LHX6: variants seen among roughly 807,000 people sequenced by gnomAD.
LHX6 encodes the protein LIM/homeobox protein Lhx6.
In LHX6, 15 loss-of-function variants were observed where a neutral mutation model predicts 47.1. The ratio of observed to expected loss-of-function variants is 0.32; its 90% CI spans 0.21 to 0.49. The LOEUF (loss-of-function observed/expected upper bound fraction) is 0.49. LHX6 is among the 20% of genes least tolerant of loss of function. The pLI is 0.99. For missense variants in LHX6, 404 were observed against 539.6 expected (o/e 0.75, Z 2.49); for synonymous variants, 242 against 233.5 (o/e 1.04, Z -0.33).
At chr9:122,215,750 C>T (rs1351621059) in intron 5 of LHX6, among the ~76,000 whole-genome samples, 2 of 152,172 alleles carry the variant, frequency 1.3e-5, no homozygotes, top group Non-Finnish European at 2.9e-5. Context: ...TAGTCCTGAT[C>T]CTGGCAGGAG....
At chr9:122,206,131 G>A (rs1368901762) in intron 9 of LHX6, among the ~76,000 whole-genome samples, 1 of 152,204 alleles carries the variant, frequency 6.6e-6, no homozygotes, top group Non-Finnish European at 1.5e-5. Flanking sequence ...GGATTTGTGG[G>A]ATCAGGGGAC....
At chr9:122,216,379 TG>T (rs1830594030) in intron 5 of LHX6, among the ~76,000 whole-genome samples, 1 of 152,158 alleles carries the variant, frequency 6.6e-6, no homozygotes, top group Non-Finnish European at 1.5e-5. Flanking sequence ...CTGGGCAATC[TG>T]GGGAATCACA....
At position 122,227,496 on chromosome 9, in the gene LHX6, AG is replaced by A; in HGVS notation, c.85-17del. 4.7e-6 allele frequency: 3 copies of A among 633,656 alleles called. No individual in the cohort carries two copies. The highest frequency in any genetic ancestry group is 1.5e-5 in the South Asian group (1 of 65,054). 39.3% of individuals were successfully genotyped at this position (633,656 alleles called of 1,614,324 possible). A position where few individuals can be genotyped will look rare whatever the true frequency, so the allele number is the denominator to read the frequency against. ...GGGCCATCACCTGGGGGAGGGGGGG[AG>A]GGAACGCAGGCGGCGGCGGCTGCTG... is the stretch of plus-strand genomic sequence containing the variant. On this transcript the variant is annotated splice_polypyrimidine_tract_variant and intron_variant, in intron 1 of 9. Transcript: ENST00000394319.
At chr9:122,223,272 C>T (rs1190848962) in intron 4 of LHX6, among the ~76,000 whole-genome samples, 1 of 152,188 alleles carries the variant, frequency 6.6e-6, no homozygotes, top group Non-Finnish European at 1.5e-5. Context: ...GCTTTTACTG[C>T]CTCCATTTTC....
intron 8 of LHX6, among the ~76,000 whole-genome samples, chr9:122,212,459 T>C (rs184433628): frequency 1.1e-3 from 170 of 152,348 alleles, no homozygotes; most frequent in African/African-American, 3.8e-3. Flanking sequence ...TTCCCTTCTT[T>C]TTCCCTCTTA....
chr9:122,205,259 C>T (rs1409756678), intron 9 of LHX6, among the ~76,000 whole-genome samples: 3 of 152,262 alleles, frequency 2.0e-5, no homozygotes, highest in African/African-American at 7.2e-5. Flanking sequence ...TACCAAAGCA[C>T]ATTGCCTCTA....
chr9:122,214,482 G>A lies in LHX6; in HGVS notation c.683-99C>T. ...GGGAGCTTGTCCCTGGAAGGGTCAG[G>A]AGCGGGAGTTGGCTGGGAGCAGGGA... On this transcript the variant is annotated intron_variant, in intron 5 of 9. Transcript: ENST00000394319. The surrounding 1 kb of genome is among the most constrained non-coding windows in gnomAD (Gnocchi z 4.6). The A allele has an allele frequency of 7.2e-7, 1 of 1,398,538 alleles. No individual in the cohort carries two copies. Among genetic ancestry groups the A allele is most frequent in the Non-Finnish European group, 9.2e-7 (1 of 1,081,468 alleles). The allele number at this position is 1,398,538 out of a possible 1,614,324, so 86.6% of individuals were successfully genotyped here. A position where few individuals can be genotyped will look rare whatever the true frequency, so the allele number is the denominator to read the frequency against.
chr9:122,209,899 G>A (rs914374049), intron 8 of LHX6, among the ~76,000 whole-genome samples, 182 bp from the exon 9 acceptor site: 34 of 150,926 alleles, frequency 2.3e-4, no homozygotes, highest in Non-Finnish European at 4.6e-4. Flanking sequence ...TTTTTGAGAC[G>A]GAGTCTCACC....
chr9:122,217,057 A>G lies in LHX6; in HGVS notation c.682+11T>C. 6.2e-7 allele frequency: 1 copy of G among 1,610,860 alleles called. No individual in the cohort carries two copies. Among genetic ancestry groups the G allele is most frequent in the Non-Finnish European group, 8.5e-7 (1 of 1,177,450 alleles). Reference sequence around the variant, plus strand: ...TGGGGGCAGAGGTGCCAGGCGGAGCAGGTTGGGTACCGTTCTCGGCGGCCC... The same window carrying G: ...TGGGGGCAGAGGTGCCAGGCGGAGCGGGTTGGGTACCGTTCTCGGCGGCCC... On this transcript the variant is annotated intron_variant, in intron 5 of 9. Transcript: ENST00000394319. The surrounding 1 kb of genome is among the most constrained non-coding windows in gnomAD (Gnocchi z 4.9).
chr9:122,228,907 G>A lies in LHX6; in HGVS notation c.-167C>T. 1 of 272,350 alleles carries A rather than the reference G, an allele frequency of 3.7e-6. No homozygotes were observed. The highest frequency in any genetic ancestry group is 6.2e-6 in the Non-Finnish European group (1 of 160,412). 16.9% of individuals were successfully genotyped at this position (272,350 alleles called of 1,614,324 possible). A position where few individuals can be genotyped will look rare whatever the true frequency, so the allele number is the denominator to read the frequency against. The stretch of plus-strand genomic sequence containing the variant: ...AGCCCCCGCCCCCGGCCCGCGCGCA[G>A]CCCCGGCCTCCCTGGCTGCTGCCGC... On this transcript the variant is annotated 5_prime_UTR_variant, in exon 1 of 10. Transcript: ENST00000394319.
chr9:122,215,001 A>T (rs1332194930), intron 5 of LHX6, among the ~76,000 whole-genome samples: 1 of 152,208 alleles, frequency 6.6e-6, no homozygotes, highest in Non-Finnish European at 1.5e-5. Flanking sequence ...TAACCGGCGT[A>T]TATGTTAGAT....
chr9:122,214,362 C>T lies in LHX6; in HGVS notation c.704G>A (p.Gly235Glu), dbSNP rs748176324. The T allele has an allele frequency of 6.3e-7, 1 of 1,577,888 alleles. No individual in the cohort carries two copies. Among genetic ancestry groups the T allele is most frequent in the East Asian group, 2.5e-5 (1 of 40,700 alleles). The change falls in exon 6 of 10, where the codon GGG (glycine) becomes GAG (glutamate). Residue 235 changes from glycine to glutamate, a missense_variant. By Grantham distance (98) the Gly-to-Glu change is moderately conservative (BLOSUM62 -2). Coordinates refer to ENST00000394319, the MANE Select transcript of LHX6 (RefSeq NM_014368.5). This position sits in a 1 kb window ranked among gnomAD's most constrained non-coding sequence, Gnocchi z 4.6. ...ACTGTCCTGTTCCGAGGGCACTGCC[C>T]CCTCCAACGTGAGGCCGTTCCCTGG... ...AENGNGLTLE[G>E]AVPSEQDSQP...
At chr9:122,220,262 C>G (rs1317331978) in intron 4 of LHX6, among the ~76,000 whole-genome samples, 1 of 152,236 alleles carries the variant, frequency 6.6e-6, no homozygotes, top group African/African-American at 2.4e-5. Context: ...TCCCGAAATG[C>G]TGGAAGCTGT....
intron 4 of LHX6, among the ~76,000 whole-genome samples, chr9:122,224,372 G>A (rs1365976605): frequency 6.6e-6 from 1 of 152,156 alleles, no homozygotes; most frequent in Non-Finnish European, 1.5e-5. Flanking sequence ...GAGCAGGGAG[G>A]TGGCTAGACA....
In LHX6 at chr9:122,214,971, TC is replaced by T. The variant is rs1830540500; in HGVS notation, c.683-589del. ...AAAAACAATCATATGTTGCCTTACT[TC>T]TGTAAGGTTTAATTTTGTTAACCGG... On this transcript the variant is annotated intron_variant, in intron 5 of 9. Transcript: ENST00000394319. The surrounding 1 kb of genome is among the most constrained non-coding windows in gnomAD (Gnocchi z 4.6). Among the ~76,000 whole-genome samples, 1 of 152,242 alleles carries T rather than the reference TC, an allele frequency of 6.6e-6. No homozygotes were observed. The highest frequency in any genetic ancestry group is 2.4e-5 in the African/African-American group (1 of 41,460).
intron 8 of LHX6, among the ~76,000 whole-genome samples, chr9:122,212,946 G>T (rs1323344714): frequency 6.6e-6 from 1 of 152,124 alleles, no homozygotes; most frequent in Non-Finnish European, 1.5e-5. Context: ...GACATCCCAG[G>T]TTACAGATGA....
rs2118805265 is a variant in LHX6 at position 122,203,102 on chromosome 9, G to A, written c.*1658C>T. The A allele has an allele frequency of 6.5e-6, 1 of 152,828 alleles. No homozygotes were observed. The allele number at this position is 152,828 out of a possible 1,614,324, so 9.5% of individuals were successfully genotyped here. Reference sequence around the variant, plus strand: ...CTGTACTCACCACGTTCTGAGTGGTGCCTGCTCTTTGCCCTCAGTCAGCTG... The same window carrying A: ...CTGTACTCACCACGTTCTGAGTGGTACCTGCTCTTTGCCCTCAGTCAGCTG... On this transcript the variant is annotated 3_prime_UTR_variant, in exon 10 of 10. Coordinates refer to ENST00000394319, the MANE Select transcript of LHX6 (RefSeq NM_014368.5).
intron 5 of LHX6, among the ~76,000 whole-genome samples, chr9:122,215,369 G>A (rs534011816): frequency 4.6e-5 from 7 of 152,260 alleles, no homozygotes; most frequent in East Asian, 3.9e-4. Flanking sequence ...TACAATGAAC[G>A]TGTGTGTATC....
chr9:122,214,138 G>A lies in LHX6; in HGVS notation c.784-69C>T. 6.7e-7 allele frequency: 1 copy of A among 1,485,040 alleles called. No individual in the cohort carries two copies. Among genetic ancestry groups the A allele is most frequent in the Non-Finnish European group, 9.1e-7 (1 of 1,096,698 alleles). The allele number at this position is 1,485,040 out of a possible 1,614,324, so 92.0% of individuals were successfully genotyped here. A position where few individuals can be genotyped will look rare whatever the true frequency, so the allele number is the denominator to read the frequency against. Reference sequence around the variant, plus strand: ...CCGAGACCCCGGCCCAATCAGCGGCGCCAGTCCACAGGCCACGCCCCAGGC... The same window carrying A: ...CCGAGACCCCGGCCCAATCAGCGGCACCAGTCCACAGGCCACGCCCCAGGC... On this transcript the variant is annotated intron_variant, in intron 6 of 9. Transcript: ENST00000394319. The surrounding 1 kb of genome is among the most constrained non-coding windows in gnomAD (Gnocchi z 4.6).
Sources: allele counts gnomAD v4.1 joint callset (sites outside exome capture counted in the v4.1 genomes callset), GRCh38; gene constraint gnomAD v4.1.1; non-coding constraint Gnocchi (gnomAD v3.1); transcripts MANE v1.5; gene names NCBI Gene and HGNC (gene_info 2026-07-23, HGNC 2026-07-21).